TBC1D19: variants seen among roughly 807,000 people sequenced by gnomAD.
TBC1D19 encodes TBC1 domain family, member 19.
TBC1D19 carries 60 observed loss-of-function variants against 89.0 expected under a neutral mutation model. That is an observed-to-expected ratio of 0.67 (90% CI 0.55 to 0.84). The LOEUF (loss-of-function observed/expected upper bound fraction) is 0.84, where lower values mean the gene tolerates loss of function less well. TBC1D19 is among the 40% of genes least tolerant of loss of function. The probability of loss-of-function intolerance (pLI) is 0.00; values close to 1 mark genes in which losing one functional copy is unlikely to be tolerated. For synonymous variants in TBC1D19, 189 were observed against 199.7 expected (o/e 0.95, Z 0.45); for missense variants, 500 against 610.8 (o/e 0.82, Z 1.91).
At chr4:26,839,422 A>G in the TBC1D19 span, among the ~76,000 whole-genome samples, 1 of 152,126 alleles carries the variant, frequency 6.6e-6, no homozygotes, top group African/African-American at 2.4e-5. Flanking sequence ...CTGGTCTTGA[A>G]TCGATTTTTT....
chr4:26,721,015 C>T (rs1476109126), intron 15 of TBC1D19, among the ~76,000 whole-genome samples: 2 of 152,102 alleles, frequency 1.3e-5, no homozygotes, highest in African/African-American at 4.8e-5. Flanking sequence ...GCTGTTCTCT[C>T]CCTGTGTCTC....
Position 26,746,558 on chromosome 4 carries a change from A to G in TBC1D19, c.1320-1853A>G, listed in dbSNP as rs73114675. Among the ~76,000 whole-genome samples the G allele has an allele frequency of 1.8e-3, 279 of 152,212 alleles. 2 individuals carry two copies. The highest frequency in any genetic ancestry group is 6.4e-3 in the African/African-American group (264 of 41,520). ...CTATAATTTCCATCTGGTTCTTCAT[A>G]CAAAACATATTGAACTGTACACTAA... On this transcript the variant is annotated intron_variant, in intron 18 of 20. Transcript: ENST00000264866.
intron 19 of TBC1D19, among the ~76,000 whole-genome samples, chr4:26,751,003 G>A (rs1718920752): frequency 6.6e-6 from 1 of 152,140 alleles, no homozygotes; most frequent in African/African-American, 2.4e-5. Flanking sequence ...GTTCTCGATA[G>A]AATTGCTTAG....
Position 26,664,087 on chromosome 4 carries a change from G to GT in TBC1D19, c.592-2245dup, listed in dbSNP as rs1299141246. Among the ~76,000 whole-genome samples, 3 of 152,298 alleles carry GT rather than the reference G, an allele frequency of 2.0e-5. No homozygotes were observed. The East Asian group carries it at 5.8e-4, about 29-fold the overall frequency. ...GTAGTAAAGCAGAGTGCAAATGTGT[G>GT]TAAGAGACAGTGCTTGTCTTCCAAG... On this transcript the variant is annotated intron_variant, in intron 8 of 20. Transcript: ENST00000264866.
At chr4:26,717,821 A>T in intron 13 of TBC1D19, 112 bp from the exon 14 acceptor site, 1 of 768,728 alleles carries the variant, frequency 1.3e-6, no homozygotes, top group Non-Finnish European at 2.1e-6. Context: ...CATTCTTCCC[A>T]CCGCAAGGCA....
chr4:26,636,155 C>T (rs1387595659), intron 4 of TBC1D19, among the ~76,000 whole-genome samples: 1 of 151,902 alleles, frequency 6.6e-6, no homozygotes, highest in Admixed American at 6.6e-5. Context: ...ATATACCATT[C>T]TCCCCTTCTT....
At chr4:26,823,835 G>A in the TBC1D19 span, among the ~76,000 whole-genome samples, 1 of 152,232 alleles carries the variant, frequency 6.6e-6, no homozygotes, top group Non-Finnish European at 1.5e-5. Flanking sequence ...CTGAAAGCTT[G>A]TCGTCAGTGT....
the TBC1D19 span, among the ~76,000 whole-genome samples, chr4:26,775,519 T>A: frequency 1.3e-5 from 2 of 152,162 alleles, no homozygotes; most frequent in African/African-American, 4.8e-5. Flanking sequence ...CTTTAAGAGA[T>A]GATTAGGCTA....
intron 7 of TBC1D19, among the ~76,000 whole-genome samples, chr4:26,652,062 C>T (rs1334589431): frequency 1.3e-5 from 2 of 152,052 alleles, no homozygotes; most frequent in East Asian, 1.9e-4. Flanking sequence ...AGGGATGAAG[C>T]CCACTAGATC....
At chr4:26,853,123 C>T in the TBC1D19 span, among the ~76,000 whole-genome samples, 1 of 152,196 alleles carries the variant, frequency 6.6e-6, no homozygotes, top group South Asian at 2.1e-4. Context: ...GAGGAAAAAG[C>T]TGTAAGAGCC....
chr4:26,854,206 TC>T, the TBC1D19 span, among the ~76,000 whole-genome samples: 1 of 152,238 alleles, frequency 6.6e-6, no homozygotes, highest in East Asian at 1.9e-4. Flanking sequence ...AACCAGAATT[TC>T]ATGGTGACAG....
the TBC1D19 span, among the ~76,000 whole-genome samples, chr4:26,841,034 C>T: frequency 6.6e-6 from 1 of 152,048 alleles, no homozygotes; most frequent in Non-Finnish European, 1.5e-5. Flanking sequence ...GGTCCTTGCA[C>T]CTGCATCTCT....
chr4:26,857,817 A>T, the TBC1D19 span: 1 of 152,462 alleles, frequency 6.6e-6, no homozygotes, highest in Non-Finnish European at 1.5e-5. Context: ...GGAGCCCGAC[A>T]TTTGGGAAGG....
chr4:26,673,780 A>G lies in TBC1D19; in HGVS notation c.708A>G (p.Leu236=). The G allele has an allele frequency of 6.2e-7, 1 of 1,605,168 alleles. No individual in the cohort carries two copies. The highest frequency in any genetic ancestry group is 2.2e-5 in the East Asian group (1 of 44,732). ...NEHVRIGQKV[L]AEQDSAAAQQ... ...ATTTTCATATACTTTTGATAGTTCT[A>G]GCAGAACAAGATAGTGCTGCTGCTC... Residue 236 remains leucine, a synonymous_variant, in exon 11 of 21, where the codon CTA becomes CTG. Coordinates refer to ENST00000264866, the MANE Select transcript of TBC1D19 (RefSeq NM_018317.4).
At chr4:26,753,160 A>G (rs1178411659) in intron 19 of TBC1D19, among the ~76,000 whole-genome samples, 2 of 152,230 alleles carry the variant, frequency 1.3e-5, no homozygotes, top group Admixed American at 1.3e-4. Context: ...AAATATAACA[A>G]AAAATTATAA....
At chr4:26,692,343 C>T (rs1362264316) in intron 13 of TBC1D19, among the ~76,000 whole-genome samples, 1 of 152,200 alleles carries the variant, frequency 6.6e-6, no homozygotes, top group Non-Finnish European at 1.5e-5. Flanking sequence ...TGACTCCACT[C>T]AGCAGGCCAA....
intron 1 of TBC1D19, among the ~76,000 whole-genome samples, chr4:26,589,389 T>A (rs537781351): frequency 6.6e-5 from 10 of 152,314 alleles, no homozygotes; most frequent in African/African-American, 1.7e-4. Flanking sequence ...TTCTACTACA[T>A]CCTTGACTTT....
At chr4:26,580,087 C>T (rs1739037991), upstream of TBC1D19, among the ~76,000 whole-genome samples, 2 of 152,162 alleles carry the variant, frequency 1.3e-5, no homozygotes, top group Admixed American at 6.5e-5. Context: ...AGAGTCAACA[C>T]GGTCCCTGAG....
At chr4:26,624,355 A>G (rs1407880753) in intron 4 of TBC1D19, among the ~76,000 whole-genome samples, 1 of 149,944 alleles carries the variant, frequency 6.7e-6, no homozygotes, top group Non-Finnish European at 1.5e-5. Context: ...ACAAATTGCA[A>G]TTTATTATAG....
Sources: allele counts gnomAD v4.1 joint callset (sites outside exome capture counted in the v4.1 genomes callset), GRCh38; gene constraint gnomAD v4.1.1; transcripts MANE v1.5; gene names NCBI Gene and HGNC (gene_info 2026-07-23, HGNC 2026-07-21).